The following SCN8A variants were observed in gnomAD, a reference collection of about 807,000 sequenced individuals.
SCN8A encodes the protein sodium channel protein type 8 subunit alpha.
In SCN8A, 30 loss-of-function variants were observed where a neutral mutation model predicts 184.1. That is an observed-to-expected ratio of 0.16 (90% CI 0.12 to 0.22). The LOEUF (loss-of-function observed/expected upper bound fraction) is 0.22. SCN8A is among the 10% of genes least tolerant of loss of function. The pLI, the probability that SCN8A is intolerant of heterozygous loss-of-function variation, is 1.00. For synonymous variants in SCN8A, 852 were observed against 907.0 expected, an observed-to-expected ratio of 0.94 and a Z score of 1.09; for missense variants, 1,057 against 2,498.9, an observed-to-expected ratio of 0.42 and a Z score of 12.30.
intron 1 of SCN8A, among the ~76,000 whole-genome samples, chr12:51,626,132 G>A (rs74091850): frequency 0.029 from 4,474 of 152,240 alleles, 238 homozygotes; most frequent in African/African-American, 0.1. Flanking sequence ...AGGCAAGGCA[G>A]GGCAGGAGAA....
Position 51,773,478 on chromosome 12 carries a change from G to A in SCN8A, c.3646-711G>A, listed in dbSNP as rs186345768. On this transcript the variant is annotated intron_variant, in intron 19 of 26. Transcript: ENST00000627620. ...ATACTGTGGTGTCAAGGAACTAAAAGGAGGAAAGATTTTGTCATTTCTTTT... is the reference window on the plus strand; with the variant it reads ...ATACTGTGGTGTCAAGGAACTAAAAAGAGGAAAGATTTTGTCATTTCTTTT... Among the ~76,000 whole-genome samples, 31 of 152,328 alleles carry A rather than the reference G, an allele frequency of 2.0e-4. No individual in the cohort carries two copies. The East Asian group carries it at 4.0e-3, about 20-fold the overall frequency.
chr12:51,755,990 C>T (rs926067861), intron 14 of SCN8A, among the ~76,000 whole-genome samples: 1 of 151,938 alleles, frequency 6.6e-6, no homozygotes, highest in African/African-American at 2.4e-5. Context: ...TCCATGTGGA[C>T]ACCTGCTCAC....
intron 26 of SCN8A, among the ~76,000 whole-genome samples, chr12:51,805,710 T>G (rs748901855): frequency 5.9e-5 from 9 of 152,122 alleles, no homozygotes; most frequent in Non-Finnish European, 1.0e-4. Flanking sequence ...CTGGGCAACA[T>G]AGCAAGACCC....
chr12:51,630,929 A>T (rs1565866031), intron 1 of SCN8A, among the ~76,000 whole-genome samples: 1 of 152,160 alleles, frequency 6.6e-6, no homozygotes, highest in Non-Finnish European at 1.5e-5. Flanking sequence ...GATTCTCTTT[A>T]ATGGCTCTGA....
intron 14 of SCN8A, among the ~76,000 whole-genome samples, chr12:51,755,127 T>A (rs1942654410): frequency 6.6e-6 from 1 of 152,214 alleles, no homozygotes. Context: ...TAGTACATCA[T>A]GTGGCTTAAA....
chr12:51,661,419 T>C (rs1378210578), intron 1 of SCN8A, among the ~76,000 whole-genome samples: 2 of 152,166 alleles, frequency 1.3e-5, no homozygotes, highest in Non-Finnish European at 2.9e-5. Flanking sequence ...CACTACACAC[T>C]GTCTTGCAAC....
chr12:51,632,146 C>T (rs1456942256), intron 1 of SCN8A, among the ~76,000 whole-genome samples: 1 of 152,210 alleles, frequency 6.6e-6, no homozygotes, highest in Non-Finnish European at 1.5e-5. Context: ...CCATAGCCTC[C>T]ACTGATAAGG....
At chr12:51,690,401 A>C (rs909815764) in intron 6 of SCN8A, among the ~76,000 whole-genome samples, 9 of 152,176 alleles carry the variant, frequency 5.9e-5, no homozygotes, top group African/African-American at 2.2e-4. Context: ...TCTGTTGCCC[A>C]GGCTGGAGTG....
rs537738407 is a variant in SCN8A, at chr12:51,623,817, A to G, written c.-55+32458A>G. ...GTGTGATGTTCCCCTTCCTGTGTCCATGTGTTCTCATTGTTCAATTCCCAC... is the reference window on the plus strand; with the variant it reads ...GTGTGATGTTCCCCTTCCTGTGTCCGTGTGTTCTCATTGTTCAATTCCCAC... On this transcript the variant is annotated intron_variant, in intron 1 of 26. Coordinates refer to ENST00000627620, the MANE Select transcript of SCN8A (RefSeq NM_001330260.2). Among the ~76,000 whole-genome samples the G allele has an allele frequency of 5.3e-5, 8 of 151,622 alleles. No individual in the cohort carries two copies. The South Asian group carries it at 1.5e-3, about 28-fold the overall frequency.
intron 1 of SCN8A, among the ~76,000 whole-genome samples, chr12:51,615,383 T>G (rs1213541273): frequency 6.6e-6 from 1 of 152,088 alleles, no homozygotes; most frequent in Non-Finnish European, 1.5e-5. Context: ...GGTAAAACCC[T>G]ATCCCTACAA....
chr12:51,594,047 A>C (rs531655144), intron 1 of SCN8A, among the ~76,000 whole-genome samples: 352 of 152,328 alleles, frequency 2.3e-3, no homozygotes, highest in Middle Eastern at 6.8e-3. Context: ...CACTTGACAC[A>C]GCAGAGGTCA....
At chr12:51,597,025 G>A (rs1003523739) in intron 1 of SCN8A, among the ~76,000 whole-genome samples, 28 of 152,238 alleles carry the variant, frequency 1.8e-4, no homozygotes, top group Admixed American at 1.5e-3. Flanking sequence ...AGTTCTGGGA[G>A]GACTTTGGGC....
Position 51,663,100 on chromosome 12 carries a change from TGGA to T in SCN8A, c.276+18_276+20del. 2 of 1,612,530 alleles carry T rather than the reference TGGA, an allele frequency of 1.2e-6. No homozygotes were observed. The highest frequency in any genetic ancestry group is 1.7e-6 in the Non-Finnish European group (2 of 1,178,660). On this transcript the variant is annotated splice_region_variant and intron_variant, in intron 2 of 26. Coordinates refer to ENST00000627620, the MANE Select transcript of SCN8A (RefSeq NM_001330260.2). ...ATACTATTTGACGCAGAAAGTGAGT[TGGA>T]GGAGGAGGAGCAGCTGCAGATACCT...
At chr12:51,631,696 C>A (rs1940199268) in intron 1 of SCN8A, among the ~76,000 whole-genome samples, 1 of 152,160 alleles carries the variant, frequency 6.6e-6, no homozygotes, top group African/African-American at 2.4e-5. Flanking sequence ...GTGGTAAAGA[C>A]CCTTGTTTCA....
rs202212399 is a variant in SCN8A at position 51,721,587 on chromosome 12, C to T, written c.1677C>T (p.His559=). ...SIPGSPFLSR[H]NSKSSIFSFR... is the part of the protein sequence containing the mutation. ...CAGGCTCGCCCTTCCTCTCCCGCCA[C>T]AACAGCAAGAGCAGCATCTTCAGTT... The change falls in exon 12 of 27, where the codon CAC becomes CAT. Residue 559 remains histidine, a synonymous_variant. Transcript: ENST00000627620. 119 of 1,613,000 alleles carry T rather than the reference C, an allele frequency of 7.4e-5. No individual in the cohort carries two copies. The African/African-American group carries it at 1.5e-3, about 20-fold the overall frequency.
chr12:51,675,087 C>T (rs984040362), intron 2 of SCN8A, among the ~76,000 whole-genome samples: 1 of 152,160 alleles, frequency 6.6e-6, no homozygotes, highest in African/African-American at 2.4e-5. Flanking sequence ...TTGCTTAGAG[C>T]AACTGTAGTC....
intron 22 of SCN8A, 149 bp from the exon 23 acceptor site, chr12:51,788,546 C>T: frequency 2.2e-6 from 1 of 453,108 alleles, no homozygotes; most frequent in Admixed American, 3.8e-5. Context: ...CCTGTAGTAA[C>T]AAACAGAAAA....
intron 1 of SCN8A, among the ~76,000 whole-genome samples, chr12:51,653,442 A>G (rs970548442): frequency 2.6e-5 from 4 of 152,106 alleles, no homozygotes; most frequent in African/African-American, 9.7e-5. Flanking sequence ...GTCCTTTTGT[A>G]TCTTGTTTAT....
chr12:51,800,547 T>G (rs1042793890), intron 26 of SCN8A, among the ~76,000 whole-genome samples: 3 of 152,238 alleles, frequency 2.0e-5, no homozygotes, highest in Non-Finnish European at 4.4e-5. Context: ...CCCACCATAA[T>G]AGGCCTCACA....
Sources: gnomAD v4.1 joint callset for allele counts (sites outside exome capture counted in the v4.1 genomes callset) on GRCh38, gnomAD v4.1.1 for gene constraint, MANE v1.5 for transcripts, NCBI Gene and HGNC (gene_info 2026-07-23, HGNC 2026-07-21) for gene names.